The following CSMD1 variants were observed in gnomAD, a reference collection of about 807,000 sequenced individuals.
CSMD1 encodes the protein CUB and sushi domain-containing protein 1.
In CSMD1, 213 loss-of-function variants were observed where a neutral mutation model predicts 417.5. That is an observed-to-expected ratio of 0.51 (90% CI 0.46 to 0.57). The LOEUF (loss-of-function observed/expected upper bound fraction) is 0.57. CSMD1 is among the 20% of genes least tolerant of loss of function. CSMD1 has a pLI of 0.00. For synonymous variants in CSMD1, 2,862 were observed against 1,736.8 expected (o/e 1.65, Z -16.11); for missense variants, 6,923 against 4,529.7 (o/e 1.53, Z -15.17).
intron 4 of CSMD1, among the ~76,000 whole-genome samples, chr8:4,028,294 A>T (rs1057495064): frequency 3.3e-5 from 5 of 152,160 alleles, no homozygotes; most frequent in Admixed American, 2.6e-4. Flanking sequence ...TCCTACCTGA[A>T]GTCCAGATTC....
In CSMD1 at chr8:3,692,409, C is replaced by T. The variant is rs147102071; in HGVS notation, c.1009+16005G>A. On this transcript the variant is annotated intron_variant, in intron 7 of 69. Coordinates refer to ENST00000635120, the MANE Select transcript of CSMD1 (RefSeq NM_033225.6). ...CTTGTCACTTCTAACGTGCCTCCTT[C>T]GACCTAAGCCACCAGACATTTATAC... Among the ~76,000 whole-genome samples, 23 of 151,960 alleles carry T rather than the reference C, an allele frequency of 1.5e-4. 1 individual carries two copies. In the East Asian group the frequency reaches 2.9e-3, roughly 19 times the overall value.
chr8:4,095,285 C>T (rs1156879563), intron 3 of CSMD1, among the ~76,000 whole-genome samples: 1 of 152,134 alleles, frequency 6.6e-6, no homozygotes, highest in Non-Finnish European at 1.5e-5. Flanking sequence ...AAATGTGTAA[C>T]CTTTAATATC....
chr8:4,803,032 G>A (rs1438566630), intron 1 of CSMD1, among the ~76,000 whole-genome samples: 1 of 152,048 alleles, frequency 6.6e-6, no homozygotes, highest in Non-Finnish European at 1.5e-5. Context: ...GGTTTTCTCC[G>A]GTGCCATTTC....
At chr8:4,386,766 C>G (rs112949147) in intron 3 of CSMD1, among the ~76,000 whole-genome samples, 1 of 152,050 alleles carries the variant, frequency 6.6e-6, no homozygotes, top group Non-Finnish European at 1.5e-5. Context: ...GGGGTAGAAA[C>G]AGTTGGTTTC....
chr8:4,921,032 GA>G (rs1203167353), intron 1 of CSMD1, among the ~76,000 whole-genome samples: 1 of 119,216 alleles, frequency 8.4e-6, no homozygotes, highest in Non-Finnish European at 1.8e-5. Flanking sequence ...AAGGAAGAAA[GA>G]AAGGAAGGAA....
chr8:4,211,471 G>A (rs999249287), intron 3 of CSMD1, among the ~76,000 whole-genome samples: 1 of 152,102 alleles, frequency 6.6e-6, no homozygotes, highest in Admixed American at 6.5e-5. Context: ...GAAGATTTTA[G>A]CTCATTTTGA....
chr8:3,522,629 C>T (rs535611178), intron 10 of CSMD1, among the ~76,000 whole-genome samples: 5 of 152,072 alleles, frequency 3.3e-5, no homozygotes, highest in African/African-American at 1.2e-4. Context: ...TAGATGATCA[C>T]ATGGCAGTAC....
intron 23 of CSMD1, among the ~76,000 whole-genome samples, chr8:3,314,506 G>C (rs4518689): frequency 6.6e-6 from 1 of 152,036 alleles, no homozygotes; most frequent in South Asian, 2.1e-4. Context: ...CTTTAAAAAA[G>C]ACTAAATCAC....
intron 5 of CSMD1, among the ~76,000 whole-genome samples, chr8:3,987,233 G>C (rs1300328405): frequency 1.3e-5 from 2 of 151,924 alleles, no homozygotes; most frequent in Non-Finnish European, 2.9e-5. Context: ...CTCTTCCTGT[G>C]AACATGCTTC....
At chr8:3,729,185 C>T (rs1005625931) in intron 6 of CSMD1, among the ~76,000 whole-genome samples, 1 of 152,134 alleles carries the variant, frequency 6.6e-6, no homozygotes, top group Non-Finnish European at 1.5e-5. Context: ...CTTACTGCCA[C>T]GCAATAAGCA....
intron 1 of CSMD1, among the ~76,000 whole-genome samples, chr8:4,935,333 G>A (rs971362899): frequency 3.3e-5 from 5 of 152,270 alleles, no homozygotes; most frequent in South Asian, 2.1e-4. Context: ...ATGCCCCTGC[G>A]CCCTCTGGGT....
At chr8:4,149,234 G>C (rs1358368532) in intron 3 of CSMD1, among the ~76,000 whole-genome samples, 1 of 152,072 alleles carries the variant, frequency 6.6e-6, no homozygotes, top group Non-Finnish European at 1.5e-5. Context: ...AAACTGCTGA[G>C]ATAACAGGCA....
intron 1 of CSMD1, among the ~76,000 whole-genome samples, chr8:4,884,727 A>G (rs545859608): frequency 1.8e-4 from 27 of 152,178 alleles, no homozygotes; most frequent in African/African-American, 6.3e-4. Flanking sequence ...CCTTGGATCA[A>G]TAGGTCTATC....
intron 3 of CSMD1, among the ~76,000 whole-genome samples, chr8:4,199,378 T>C (rs546663236): frequency 3.5e-4 from 54 of 152,274 alleles, no homozygotes; most frequent in Admixed American, 1.3e-3. Context: ...TAAAGATGCA[T>C]AGTGTGGTGG....
chr8:4,526,170 G>C (rs534508213), intron 2 of CSMD1, among the ~76,000 whole-genome samples: 2 of 152,320 alleles, frequency 1.3e-5, no homozygotes, highest in African/African-American at 4.8e-5. Flanking sequence ...ACCAACATTT[G>C]TGATTTTTGA....
At chr8:4,432,991 G>T (rs1013480105) in intron 2 of CSMD1, among the ~76,000 whole-genome samples, 2 of 152,072 alleles carry the variant, frequency 1.3e-5, no homozygotes, top group Admixed American at 6.5e-5. Context: ...AGATCAGTGG[G>T]AGCATTACAT....
chr8:3,930,598 C>T (rs928111563), intron 5 of CSMD1, among the ~76,000 whole-genome samples: 2 of 150,260 alleles, frequency 1.3e-5, no homozygotes, highest in East Asian at 2.0e-4. Context: ...CCAAAGGAAA[C>T]GGGACACAGC....
chr8:3,653,375 C>G (rs1327346037), intron 7 of CSMD1, among the ~76,000 whole-genome samples: 3 of 152,120 alleles, frequency 2.0e-5, no homozygotes, highest in Non-Finnish European at 4.4e-5. Context: ...GAGGCATGAT[C>G]TCGGCTCATT....
At chr8:4,405,790 G>T (rs571789678) in intron 3 of CSMD1, among the ~76,000 whole-genome samples, 1 of 152,310 alleles carries the variant, frequency 6.6e-6, no homozygotes, top group East Asian at 1.9e-4. Flanking sequence ...TTTGTTGAGT[G>T]ATTTTAGACA....
Sources: allele counts gnomAD v4.1 joint callset (sites outside exome capture counted in the v4.1 genomes callset), GRCh38; gene constraint gnomAD v4.1.1; transcripts MANE v1.5; gene names NCBI Gene and HGNC (gene_info 2026-07-23, HGNC 2026-07-21).